Variants in RAB11FIP3 observed in about 807,000 individuals in gnomAD.
RAB11FIP3 encodes the protein RAB11 family interacting protein 3, also known as rab11 family-interacting protein 3.
RAB11FIP3 carries 17 observed loss-of-function variants against 77.8 expected under a neutral mutation model. That is an observed-to-expected ratio of 0.22 (90% confidence interval 0.15 to 0.33). The LOEUF (loss-of-function observed/expected upper bound fraction) is 0.33. RAB11FIP3 is among the 10% of genes least tolerant of loss of function. RAB11FIP3 has a pLI of 1.00. For synonymous variants in RAB11FIP3, 437 were observed against 448.2 expected (o/e 0.98, Z 0.31); for missense variants, 1,005 against 1,011.2 (o/e 0.99, Z 0.08).
intron 1 of RAB11FIP3, among the ~76,000 whole-genome samples, chr16:437,169 T>C (rs953731431): frequency 6.6e-6 from 1 of 151,772 alleles, no homozygotes; most frequent in African/African-American, 2.4e-5. Flanking sequence ...TCCCAGCTAC[T>C]GGGGAGGCTA....
chr16:441,256 C>T (rs2055221846), intron 1 of RAB11FIP3, among the ~76,000 whole-genome samples: 1 of 152,134 alleles, frequency 6.6e-6, no homozygotes, highest in South Asian at 2.1e-4. Context: ...TATTTTTCTT[C>T]AAGCCTGTTC....
At chr16:463,778 C>T (rs1479603862) in intron 2 of RAB11FIP3, among the ~76,000 whole-genome samples, 1 of 152,190 alleles carries the variant, frequency 6.6e-6, no homozygotes, top group Admixed American at 6.5e-5. Context: ...GTCTGTTCTT[C>T]CACCCATGAA....
intron 1 of RAB11FIP3, among the ~76,000 whole-genome samples, chr16:456,712 G>T (rs1042738289): frequency 1.3e-5 from 2 of 152,090 alleles, no homozygotes; most frequent in Non-Finnish European, 2.9e-5. Flanking sequence ...AGCTGAGGCC[G>T]CACCACTGCA....
At chr16:504,196 T>C (rs1361195589) in intron 7 of RAB11FIP3, among the ~76,000 whole-genome samples, 4 of 60,754 alleles carry the variant, frequency 6.6e-5, no homozygotes, top group Non-Finnish European at 1.1e-4. Flanking sequence ...CTCACCTCCT[T>C]GTGCACCCCC....
chr16:519,443 C>G (rs2032568562), intron 10 of RAB11FIP3, among the ~76,000 whole-genome samples: 1 of 152,242 alleles, frequency 6.6e-6, no homozygotes, highest in Non-Finnish European at 1.5e-5. Flanking sequence ...GCCCTGACTC[C>G]CATGAACCAG....
At chr16:481,398 C>T (rs1268692037) in intron 3 of RAB11FIP3, among the ~76,000 whole-genome samples, 2 of 152,204 alleles carry the variant, frequency 1.3e-5, no homozygotes, top group East Asian at 3.9e-4. Flanking sequence ...GTCTTCCCAG[C>T]TACTCAGGAG....
intron 4 of RAB11FIP3, 33 bp downstream of exon 4, chr16:482,769 C>T: frequency 3.2e-6 from 5 of 1,556,456 alleles, no homozygotes; most frequent in Non-Finnish European, 4.3e-6. Context: ...CCTGGAGAGG[C>T]CTTGGGATGT....
At position 502,974 on chromosome 16, in the gene RAB11FIP3, C is replaced by T. The variant is rs1444110294; in HGVS notation, c.1302-30C>T. On this transcript the variant is annotated intron_variant, in intron 6 of 13. Coordinates refer to ENST00000262305, the MANE Select transcript of RAB11FIP3 (RefSeq NM_014700.4). ...AGCATGTCCTGTGGTTTTTCCCTTTCTTCCCTCTGTTGTTGTGCCTTTTCT... is the reference window on the plus strand; with the variant it reads ...AGCATGTCCTGTGGTTTTTCCCTTTTTTCCCTCTGTTGTTGTGCCTTTTCT... 4 of 1,544,242 alleles carry T rather than the reference C, an allele frequency of 2.6e-6. No individual in the cohort carries two copies. In the Admixed American group the frequency reaches 6.7e-5, roughly 26 times the overall value.
At chr16:449,365 C>T (rs144722631) in intron 1 of RAB11FIP3, among the ~76,000 whole-genome samples, 46 of 152,200 alleles carry the variant, frequency 3.0e-4, no homozygotes, top group African/African-American at 1.1e-3. Flanking sequence ...GCTGGTTGGT[C>T]GTTTGCCAGA....
intron 3 of RAB11FIP3, among the ~76,000 whole-genome samples, chr16:474,635 C>T (rs2055867767): frequency 6.6e-6 from 1 of 152,166 alleles, no homozygotes; most frequent in Non-Finnish European, 1.5e-5. Flanking sequence ...TCCCGTCCTC[C>T]CTCCTTCTCC....
chr16:443,741 CTT>C (rs532348660), intron 1 of RAB11FIP3, among the ~76,000 whole-genome samples: 1 of 152,070 alleles, frequency 6.6e-6, no homozygotes, highest in South Asian at 2.1e-4. Flanking sequence ...AATTTTTGTA[CTT>C]TTAGTAGAGA....
chr16:462,635 C>T (rs2055628460), intron 2 of RAB11FIP3, among the ~76,000 whole-genome samples: 1 of 151,400 alleles, frequency 6.6e-6, no homozygotes, highest in African/African-American at 2.4e-5. Context: ...AGCACCATCC[C>T]TTCCCCAGCA....
At chr16:477,487 C>T (rs1052676985) in intron 3 of RAB11FIP3, 10 of 304,694 alleles carry the variant, frequency 3.3e-5, no homozygotes, top group Non-Finnish European at 4.8e-5. Context: ...CCTGCCCCGT[C>T]ATGCCTTCCC....
At position 459,124 on chromosome 16, in the gene RAB11FIP3, C is replaced by CT. The variant is rs577962652; in HGVS notation, c.715-2261dup. Among the ~76,000 whole-genome samples, 581 of 135,540 alleles carry CT rather than the reference C, an allele frequency of 4.3e-3. 3 individuals carry two copies. Among genetic ancestry groups the CT allele is most frequent in the Admixed American group, 7.4e-3 (99 of 13,414 alleles). The allele number at this position is 135,540 out of a possible 152,430, so 88.9% of individuals were successfully genotyped here. ...CATCAAATATTTATCAGTGTTCAAACTTTTTTTTTTTTTTTTTTTGAGACA... is the reference window on the plus strand; with the variant it reads ...CATCAAATATTTATCAGTGTTCAAACTTTTTTTTTTTTTTTTTTTTGAGACA... On this transcript the variant is annotated intron_variant, in intron 1 of 13. Coordinates refer to ENST00000262305, the MANE Select transcript of RAB11FIP3 (RefSeq NM_014700.4).
intron 1 of RAB11FIP3, among the ~76,000 whole-genome samples, chr16:434,344 G>A (rs974611128): frequency 6.6e-6 from 1 of 152,162 alleles, no homozygotes; most frequent in African/African-American, 2.4e-5. Context: ...GGCTGGTCTC[G>A]CGCTCCTGAC....
intron 1 of RAB11FIP3, among the ~76,000 whole-genome samples, chr16:441,662 C>G (rs1230321152): frequency 6.6e-6 from 1 of 152,194 alleles, no homozygotes; most frequent in Non-Finnish European, 1.5e-5. Flanking sequence ...TGGCTGGAGC[C>G]CTCTGCCCCA....
rs548580401 is a variant in RAB11FIP3 at position 444,353 on chromosome 16, C to T, written c.715-17051C>T. On this transcript the variant is annotated intron_variant, in intron 1 of 13. Coordinates refer to ENST00000262305, the MANE Select transcript of RAB11FIP3 (RefSeq NM_014700.4). ...TAGACTAAGGCAGGCAGCAGCAGGA[C>T]GGTGCTGAGAACGGCTCTGAAGAGT... Among the ~76,000 whole-genome samples the T allele has an allele frequency of 1.6e-4, 25 of 152,208 alleles. 1 individual carries two copies. The highest frequency in any genetic ancestry group is 1.2e-3 in the East Asian group (6 of 5,174).
At chr16:473,725 C>T (rs2064163527) in intron 3 of RAB11FIP3, among the ~76,000 whole-genome samples, 1 of 152,256 alleles carries the variant, frequency 6.6e-6, no homozygotes, top group East Asian at 1.9e-4. Context: ...CAGGCGTGAG[C>T]CACCGCACCC....
In RAB11FIP3 at chr16:514,128, C is replaced by T. The variant is rs2032304949; in HGVS notation, c.1640+3328C>T. 6.6e-6 allele frequency among the ~76,000 whole-genome samples: 1 copy of T among 152,174 alleles called. No homozygotes were observed. On this transcript the variant is annotated intron_variant, in intron 9 of 13. Coordinates refer to ENST00000262305, the MANE Select transcript of RAB11FIP3 (RefSeq NM_014700.4). This position sits in a 1 kb window ranked among gnomAD's most constrained non-coding sequence, Gnocchi z 4.6. ...TCTTGTGAGCAAGCCGCCTGCCCAC[C>T]CTAAGCGCTTGGGGTCAGTGCCACC...
Sources: gnomAD v4.1 joint callset for allele counts (sites outside exome capture counted in the v4.1 genomes callset) on GRCh38, gnomAD v4.1.1 for gene constraint, Gnocchi (gnomAD v3.1) non-coding constraint, MANE v1.5 for transcripts, NCBI Gene and HGNC (gene_info 2026-07-23, HGNC 2026-07-21) for gene names.